The following CHRM2 variants were observed in gnomAD, a reference collection of about 807,000 sequenced individuals.
CHRM2 encodes muscarinic acetylcholine receptor M2.
In CHRM2, 8 loss-of-function variants were observed where a neutral mutation model predicts 25.0. That is an observed-to-expected ratio of 0.32 (90% CI 0.19 to 0.58). The LOEUF (loss-of-function observed/expected upper bound fraction) is 0.58. CHRM2 is among the 20% of genes least tolerant of loss of function. The probability of loss-of-function intolerance (pLI) is 0.88; values close to 1 mark genes in which losing one functional copy is unlikely to be tolerated. For missense variants in CHRM2, 440 were observed against 567.1 expected (o/e 0.78, Z 2.28); for synonymous variants, 202 against 205.7 (o/e 0.98, Z 0.15).
intron 3 of CHRM2, among the ~76,000 whole-genome samples, chr7:137,006,079 C>T (rs1301255674): frequency 6.6e-6 from 1 of 152,070 alleles, no homozygotes; most frequent in Non-Finnish European, 1.5e-5. Context: ...CTTTAGAGCA[C>T]ATTGTTTAGT....
At chr7:136,995,129 A>G (rs1223820428) in intron 3 of CHRM2, among the ~76,000 whole-genome samples, 1 of 152,184 alleles carries the variant, frequency 6.6e-6, no homozygotes, top group Non-Finnish European at 1.5e-5. Context: ...ATTGTATAGA[A>G]GTAGTCAAGT....
Position 137,018,211 on chromosome 7 carries a change from A to T in CHRM2, c.*1945A>T, listed in dbSNP as rs1805274662. ...GAAAAAAAGCATGAGGGAAAAAAAA[A>T]ACCAAAAAACTTATAAGTTAGTAAG... On this transcript the variant is annotated 3_prime_UTR_variant, in exon 4 of 4. Transcript: ENST00000680005. The T allele has an allele frequency of 6.6e-6, 1 of 151,816 alleles. No individual in the cohort carries two copies. The highest frequency in any genetic ancestry group is 2.4e-5 in the African/African-American group (1 of 41,388). 9.4% of individuals were successfully genotyped at this position (151,816 alleles called of 1,614,324 possible).
intron 3 of CHRM2, among the ~76,000 whole-genome samples, chr7:136,999,305 C>A (rs1357507834): frequency 1.3e-5 from 2 of 152,148 alleles, no homozygotes; most frequent in East Asian, 3.9e-4. Flanking sequence ...ACAGGTGCAG[C>A]AAACCACCAT....
intron 2 of CHRM2, among the ~76,000 whole-genome samples, chr7:136,901,382 T>C (rs759706887): frequency 1.3e-5 from 2 of 152,056 alleles, no homozygotes; most frequent in African/African-American, 2.4e-5. Context: ...ACTGTGGCTT[T>C]ACCACGTAGG....
chr7:136,947,658 G>A (rs1279993837), intron 2 of CHRM2, among the ~76,000 whole-genome samples: 1 of 152,102 alleles, frequency 6.6e-6, no homozygotes, highest in Non-Finnish European at 1.5e-5. Flanking sequence ...CTTCTTTAGA[G>A]AAAATGATTA....
chr7:136,870,043 A>G (rs1795756148), intron 2 of CHRM2: 1 of 152,472 alleles, frequency 6.6e-6, no homozygotes, highest in African/African-American at 2.4e-5. Flanking sequence ...GGGTCCCAAG[A>G]CAAAGGAGAG....
intron 2 of CHRM2, among the ~76,000 whole-genome samples, chr7:136,933,835 A>G (rs1348464806): frequency 6.6e-6 from 1 of 152,202 alleles, no homozygotes; most frequent in Non-Finnish European, 1.5e-5. Context: ...ATATAGTTCT[A>G]TTTATACTGA....
intron 2 of CHRM2, among the ~76,000 whole-genome samples, chr7:136,917,189 T>C (rs1020000207): frequency 2.0e-5 from 3 of 151,870 alleles, no homozygotes; most frequent in African/African-American, 4.8e-5. Flanking sequence ...CTTTTATTTG[T>C]AGGCTTGTCC....
chr7:136,930,606 G>A (rs901012280), intron 2 of CHRM2, among the ~76,000 whole-genome samples: 1 of 148,852 alleles, frequency 6.7e-6, no homozygotes, highest in Non-Finnish European at 1.5e-5. Flanking sequence ...AAAAAAAAAT[G>A]GATAGAAAAT....
intron 3 of CHRM2, among the ~76,000 whole-genome samples, chr7:137,011,264 T>G (rs1804807812): frequency 6.7e-6 from 1 of 149,406 alleles, no homozygotes; most frequent in African/African-American, 2.5e-5. Flanking sequence ...GCTCAAGTGT[T>G]TATGGTTTAT....
At chr7:136,935,827 C>T (rs1799381493) in intron 2 of CHRM2, among the ~76,000 whole-genome samples, 1 of 152,128 alleles carries the variant, frequency 6.6e-6, no homozygotes, top group Non-Finnish European at 1.5e-5. Context: ...TTCCTTTTCA[C>T]CTAAACCTTA....
chr7:136,949,494 GGT>G (rs1800268982), intron 2 of CHRM2, among the ~76,000 whole-genome samples: 1 of 148,242 alleles, frequency 6.7e-6, no homozygotes, highest in South Asian at 2.1e-4. Flanking sequence ...CAGGCATGGT[GGT>G]GTGCACTTGC....
intron 2 of CHRM2, among the ~76,000 whole-genome samples, chr7:136,942,205 T>G (rs993358798): frequency 2.6e-5 from 4 of 152,192 alleles, no homozygotes; most frequent in Admixed American, 1.3e-4. Context: ...GTTGTTTTTC[T>G]TTCGTTGGGA....
At chr7:136,938,491 A>G (rs1267544437) in intron 2 of CHRM2, 11 of 1,060,958 alleles carry the variant, frequency 1.0e-5, no homozygotes, top group Non-Finnish European at 1.6e-5. Context: ...GTTGGGGTTC[A>G]CCTCTAGGAT....
rs1563129653 is a variant in CHRM2 at position 137,015,963 on chromosome 7, G to T, written c.1098G>T (p.Val366=). 1.2e-6 allele frequency: 2 copies of T among 1,613,178 alleles called. No homozygotes were observed. The highest frequency in any genetic ancestry group is 8.5e-7 in the Non-Finnish European group (1 of 1,179,462). ...EKQNIVARKI[V]KMTKQPAKKK... is the part of the protein sequence containing the mutation. ...AGAATATTGTAGCCCGCAAGATTGT[G>T]AAGATGACTAAGCAGCCTGCAAAAA... Residue 366 remains valine (V), a synonymous_variant, in exon 4 of 4, where the codon GTG becomes GTT. Coordinates refer to ENST00000680005, the MANE Select transcript of CHRM2 (RefSeq NM_001006630.2). This position sits in a 1 kb window ranked among gnomAD's most constrained non-coding sequence, Gnocchi z 5.1.
At chr7:136,933,952 G>T (rs543077014) in intron 2 of CHRM2, among the ~76,000 whole-genome samples, 2 of 152,140 alleles carry the variant, frequency 1.3e-5, no homozygotes, top group East Asian at 3.9e-4. Flanking sequence ...TGAGATTTTT[G>T]TTCTGTTTTT....
chr7:137,006,247 T>C (rs1366665504), intron 3 of CHRM2, among the ~76,000 whole-genome samples: 4 of 152,170 alleles, frequency 2.6e-5, no homozygotes, highest in African/African-American at 7.2e-5. Flanking sequence ...TTCAGAATTG[T>C]CCAGGCCTCT....
At chr7:136,908,449 T>C (rs1419742093) in intron 2 of CHRM2, among the ~76,000 whole-genome samples, 1 of 151,964 alleles carries the variant, frequency 6.6e-6, no homozygotes, top group Non-Finnish European at 1.5e-5. Flanking sequence ...GATTACATTA[T>C]TGCAATACCT....
chr7:136,899,592 C>A (rs1797088954), intron 2 of CHRM2: 1 of 151,954 alleles, frequency 6.6e-6, no homozygotes, highest in Non-Finnish European at 1.5e-5. Context: ...GTAATTCAAT[C>A]AAAATTAAGG....
Sources: gnomAD v4.1 joint callset for allele counts (sites outside exome capture counted in the v4.1 genomes callset) on GRCh38, gnomAD v4.1.1 for gene constraint, Gnocchi (gnomAD v3.1) non-coding constraint, MANE v1.5 for transcripts, NCBI Gene and HGNC (gene_info 2026-07-23, HGNC 2026-07-21) for gene names.